Variants in AHI1 observed in about 807,000 individuals in gnomAD.
AHI1 encodes Abelson helper integration site 1, also known as jouberin.
Under a neutral mutation model 149.3 loss-of-function variants are expected in AHI1, and 123 were observed. The observed-to-expected ratio is 0.82, with a 90% CI of 0.71 to 0.96. The LOEUF (loss-of-function observed/expected upper bound fraction) is 0.96, where lower values mean the gene tolerates loss of function less well. AHI1 is among the 40% of genes least tolerant of loss of function. The pLI, the probability that AHI1 is intolerant of heterozygous loss-of-function variation, is 0.00. For synonymous variants in AHI1, 475 were observed against 459.8 expected (o/e 1.03, Z -0.42); for missense variants, 1,439 against 1,422.7 (o/e 1.01, Z -0.18).
chr6:135,339,503 T>C (rs1163992912), intron 24 of AHI1, among the ~76,000 whole-genome samples: 1 of 152,126 alleles, frequency 6.6e-6, no homozygotes, highest in Non-Finnish European at 1.5e-5. Flanking sequence ...TATAGAGATA[T>C]AATTTTAAAA....
rs142378793 is a variant in AHI1 at position 135,354,794 on chromosome 6, T to C, written c.3165+3338A>G. Among the ~76,000 whole-genome samples, 237 of 152,276 alleles carry C rather than the reference T, an allele frequency of 1.6e-3. 1 individual carries two copies. Among genetic ancestry groups the C allele is most frequent in the African/African-American group, 5.0e-3 (207 of 41,564 alleles). ...TCTTATTTACTTTTTCTATTATCAA[T>C]AGTACAGTGTCTGAATGAATATCAT... On this transcript the variant is annotated intron_variant, in intron 24 of 28. Coordinates refer to ENST00000265602, the MANE Select transcript of AHI1 (RefSeq NM_001134831.2).
At chr6:135,301,948 A>G in intron 26 of AHI1, 1 of 985,390 alleles carries the variant, frequency 1.0e-6, no homozygotes, top group Non-Finnish European at 1.2e-6. Flanking sequence ...GACTTGTGAA[A>G]TAAATTCTAA....
At chr6:135,468,916 C>A (rs1196987251) in intron 5 of AHI1, among the ~76,000 whole-genome samples, 1 of 152,138 alleles carries the variant, frequency 6.6e-6, no homozygotes, top group African/African-American at 2.4e-5. Flanking sequence ...CAGCTGAATT[C>A]TACCAGAGGT....
chr6:135,305,998 C>G (rs912797083), intron 26 of AHI1, among the ~76,000 whole-genome samples: 12 of 152,194 alleles, frequency 7.9e-5, no homozygotes, highest in African/African-American at 2.9e-4. Context: ...AGTTTCCCTT[C>G]ACTATCCTTT....
At chr6:135,409,384 T>A (rs1354029234) in intron 21 of AHI1, among the ~76,000 whole-genome samples, 1 of 152,160 alleles carries the variant, frequency 6.6e-6, no homozygotes, top group African/African-American at 2.4e-5. Context: ...ATTTGAGAAA[T>A]AATTGCAAGT....
intron 23 of AHI1, among the ~76,000 whole-genome samples, chr6:135,393,934 A>G (rs976200552): frequency 2.0e-5 from 3 of 152,048 alleles, no homozygotes; most frequent in Non-Finnish European, 4.4e-5. Context: ...TTTTCTCACT[A>G]TAACATGTAA....
intron 26 of AHI1, among the ~76,000 whole-genome samples, chr6:135,310,679 A>G (rs373671234): frequency 6.6e-6 from 1 of 152,232 alleles, no homozygotes. Flanking sequence ...AGCAAAACCA[A>G]TAACTGTTAT....
chr6:135,484,711 G>A (rs1794214069), intron 5 of AHI1, among the ~76,000 whole-genome samples: 2 of 151,148 alleles, frequency 1.3e-5, no homozygotes, highest in East Asian at 3.9e-4. Context: ...TTAATGCTAT[G>A]ACTATAAAAA....
At chr6:135,313,981 T>C (rs1237857051) in intron 26 of AHI1, among the ~76,000 whole-genome samples, 1 of 152,140 alleles carries the variant, frequency 6.6e-6, no homozygotes, top group African/African-American at 2.4e-5. Context: ...CATCACACAG[T>C]TTTTAATACA....
intron 20 of AHI1, among the ~76,000 whole-genome samples, chr6:135,422,525 G>A (rs115374107): frequency 0.024 from 3,575 of 151,766 alleles, 155 homozygotes; most frequent in African/African-American, 0.081. Context: ...AAAAAAATTA[G>A]TGCTATATAC....
intron 24 of AHI1, among the ~76,000 whole-genome samples, chr6:135,347,752 T>A (rs1285700521): frequency 6.6e-6 from 1 of 152,198 alleles, no homozygotes; most frequent in East Asian, 1.9e-4. Context: ...ATAAATGTGA[T>A]CATATTTTCT....
intron 24 of AHI1, among the ~76,000 whole-genome samples, chr6:135,336,905 TAC>T (rs1480076930): frequency 4.6e-5 from 7 of 152,270 alleles, no homozygotes; most frequent in Non-Finnish European, 7.4e-5. Context: ...TGTGCACATA[TAC>T]ACACACACAT....
chr6:135,358,520 T>C (rs1232477072), intron 23 of AHI1, among the ~76,000 whole-genome samples: 1 of 152,238 alleles, frequency 6.6e-6, no homozygotes, highest in African/African-American at 2.4e-5. Context: ...GTTTTATTTC[T>C]GATTCAAGGA....
intron 24 of AHI1, among the ~76,000 whole-genome samples, chr6:135,355,647 TCC>T (rs1351677245): frequency 1.3e-5 from 2 of 152,162 alleles, no homozygotes; most frequent in African/African-American, 4.8e-5. Flanking sequence ...ATGCCTGTAA[TCC>T]CAGCACTTTG....
At position 135,421,070 on chromosome 6, in the gene AHI1, C is replaced by T. The variant is rs369722756; in HGVS notation, c.2764+6097G>A. Reference sequence around the variant, plus strand: ...GAAGAGAGGGAGAGAAATGGGAGAACGGCTGGTGGGTGGGGCAGTCAGAAC... The same window carrying T: ...GAAGAGAGGGAGAGAAATGGGAGAATGGCTGGTGGGTGGGGCAGTCAGAAC... On this transcript the variant is annotated intron_variant, in intron 20 of 28. Transcript: ENST00000265602. Among the ~76,000 whole-genome samples, 12 of 152,184 alleles carry T rather than the reference C, an allele frequency of 7.9e-5. 1 individual carries two copies. The highest frequency in any genetic ancestry group is 1.9e-4 in the East Asian group (1 of 5,176).
intron 22 of AHI1, among the ~76,000 whole-genome samples, chr6:135,404,343 T>C (rs2128497669): frequency 6.6e-6 from 1 of 152,360 alleles, no homozygotes; most frequent in East Asian, 1.9e-4. Context: ...AATTGTTTAC[T>C]AATCGAGAGC....
chr6:135,444,159 C>A (rs1786780693), intron 13 of AHI1, among the ~76,000 whole-genome samples: 1 of 152,196 alleles, frequency 6.6e-6, no homozygotes, highest in South Asian at 2.1e-4. Flanking sequence ...TTCCTACTTT[C>A]TGTCTCTCGT....
At position 135,400,181 on chromosome 6, in the gene AHI1, A is replaced by T. The variant is rs182037781; in HGVS notation, c.2988+4770T>A. ...ATTATGTTTTTAAAAATTATTTTTT[A>T]AAAAAACCTTTCCAAATAATTGAAA... is the stretch of plus-strand genomic sequence containing the variant. On this transcript the variant is annotated intron_variant, in intron 22 of 28. Coordinates refer to ENST00000265602, the MANE Select transcript of AHI1 (RefSeq NM_001134831.2). 2.0e-3 allele frequency among the ~76,000 whole-genome samples: 302 copies of T among 152,268 alleles called. 1 individual carries two copies. The highest frequency in any genetic ancestry group is 6.6e-3 in the African/African-American group (276 of 41,558).
rs770083131 is a variant in AHI1, at chr6:135,457,719, C to A, written c.932-6G>T. ...ATCTTCATTATTATCTGCAACTACACGCATGGAAAAAAAAATCAATGTTAT... is the reference window on the plus strand; with the variant it reads ...ATCTTCATTATTATCTGCAACTACAAGCATGGAAAAAAAAATCAATGTTAT... On this transcript the variant is annotated splice_polypyrimidine_tract_variant and splice_region_variant and intron_variant, in intron 8 of 28. Coordinates refer to ENST00000265602, the MANE Select transcript of AHI1 (RefSeq NM_001134831.2). The A allele has an allele frequency of 1.9e-6, 3 of 1,609,898 alleles. No individual in the cohort carries two copies. The highest frequency in any genetic ancestry group is 2.2e-5 in the East Asian group (1 of 44,838).
Sources: gnomAD v4.1 joint callset for allele counts (sites outside exome capture counted in the v4.1 genomes callset) on GRCh38, gnomAD v4.1.1 for gene constraint, MANE v1.5 for transcripts, NCBI Gene and HGNC (gene_info 2026-07-23, HGNC 2026-07-21) for gene names.